Variants in DNM3 observed in about 807,000 individuals in gnomAD.
The protein encoded by DNM3 is dynamin-3.
A neutral mutation model predicts 101.6 loss-of-function variants in DNM3; 47 were observed. The ratio of observed to expected loss-of-function variants is 0.46; its 90% confidence interval spans 0.37 to 0.59. The LOEUF (loss-of-function observed/expected upper bound fraction) is 0.59, where lower values mean the gene tolerates loss of function less well. Ranked by LOEUF, DNM3 falls within the 20% of genes least tolerant of loss-of-function variation. DNM3 has a pLI of 0.00. For synonymous variants in DNM3, 385 were observed against 387.9 expected, an observed-to-expected ratio of 0.99 and a Z score of 0.09; for missense variants, 849 against 1,085.7, an observed-to-expected ratio of 0.78 and a Z score of 3.06.
At chr1:172,319,407 G>T (rs1004704080) in intron 16 of DNM3, among the ~76,000 whole-genome samples, 26 of 152,144 alleles carry the variant, frequency 1.7e-4, no homozygotes, top group Non-Finnish European at 2.2e-4. Flanking sequence ...TTAAACTAAA[G>T]AGTTTCTGCA....
intron 14 of DNM3, among the ~76,000 whole-genome samples, chr1:172,150,863 G>A (rs558891248): frequency 6.6e-6 from 1 of 152,326 alleles, no homozygotes; most frequent in South Asian, 2.1e-4. Context: ...AGCCACCCAG[G>A]ATTGTTTTAA....
chr1:172,044,702 C>T (rs972993681), intron 9 of DNM3, among the ~76,000 whole-genome samples: 1 of 152,132 alleles, frequency 6.6e-6, no homozygotes, highest in Admixed American at 6.5e-5. Context: ...AGGGGATTCG[C>T]AGATTAGCAA....
intron 14 of DNM3, among the ~76,000 whole-genome samples, chr1:172,244,225 A>G (rs1456416881): frequency 6.6e-6 from 1 of 151,856 alleles, no homozygotes; most frequent in Non-Finnish European, 1.5e-5. Flanking sequence ...ATAGTATTCC[A>G]TGGTGTATAT....
rs148900640 is a variant in DNM3 at position 172,238,222 on chromosome 1, A to G, written c.1660-15351A>G. The stretch of plus-strand genomic sequence containing the variant: ...TTCTTTTTAATTCTCACAAGAACTC[A>G]CAGACTCTGGGGGTCAGAGGACTAC... On this transcript the variant is annotated intron_variant, in intron 14 of 20. Coordinates refer to ENST00000627582, the MANE Select transcript of DNM3 (RefSeq NM_015569.5). Among the ~76,000 whole-genome samples the G allele has an allele frequency of 4.4e-3, 667 of 152,260 alleles. 2 individuals are homozygous for G. The highest frequency in any genetic ancestry group is 0.015 in the African/African-American group (628 of 41,550).
chr1:171,932,617 TA>T (rs1386649723), intron 2 of DNM3, among the ~76,000 whole-genome samples: 1 of 152,216 alleles, frequency 6.6e-6, no homozygotes, highest in African/African-American at 2.4e-5. Context: ...TAGTTTAGGT[TA>T]TTTTACAGTT....
At chr1:172,012,198 T>C (rs1011869251) in intron 4 of DNM3, among the ~76,000 whole-genome samples, 1 of 152,018 alleles carries the variant, frequency 6.6e-6, no homozygotes, top group Non-Finnish European at 1.5e-5. Flanking sequence ...TTCTTCTCCA[T>C]GATGTTTTGC....
chr1:171,932,120 C>T (rs919905415), intron 2 of DNM3, among the ~76,000 whole-genome samples: 2 of 142,058 alleles, frequency 1.4e-5, no homozygotes, highest in African/African-American at 5.2e-5. Context: ...CCCTTCCTTC[C>T]TCTCTCTTTC....
At chr1:172,181,375 TACACACACACACACACAC>T (rs55756017) in intron 14 of DNM3, among the ~76,000 whole-genome samples, 4 of 147,712 alleles carry the variant, frequency 2.7e-5, no homozygotes, top group Admixed American at 6.8e-5. Context: ...CACTTGAGTT[TACACACACACACACACAC>T]ACACACACAC....
chr1:171,887,870 C>CT lies in DNM3; in HGVS notation c.162-33869dup, dbSNP rs1165996085. On this transcript the variant is annotated intron_variant, in intron 1 of 20. Coordinates refer to ENST00000627582, the MANE Select transcript of DNM3 (RefSeq NM_015569.5). The stretch of plus-strand genomic sequence containing the variant: ...ATCTAATATGTTTTTTTTCCACTGT[C>CT]TTTTTTTTTCTCAATAGGGATGAAT... 7.3e-5 allele frequency among the ~76,000 whole-genome samples: 11 copies of CT among 150,558 alleles called. No individual in the cohort carries two copies. In the East Asian group the frequency reaches 9.7e-4, roughly 13 times the overall value.
chr1:171,934,154 C>T (rs922758933), intron 2 of DNM3, among the ~76,000 whole-genome samples: 1 of 151,986 alleles, frequency 6.6e-6, no homozygotes, highest in African/African-American at 2.4e-5. Flanking sequence ...GTTCATTTGT[C>T]CTGGTGAGGA....
intron 16 of DNM3, among the ~76,000 whole-genome samples, chr1:172,319,374 C>A (rs905787889): frequency 2.0e-5 from 3 of 152,046 alleles, no homozygotes; most frequent in Non-Finnish European, 4.4e-5. Context: ...CAACAAAAGC[C>A]AAAATTGACA....
intron 4 of DNM3, among the ~76,000 whole-genome samples, chr1:172,006,323 C>A (rs1448283488): frequency 6.6e-6 from 1 of 152,026 alleles, no homozygotes; most frequent in Non-Finnish European, 1.5e-5. Context: ...CCATTATCTT[C>A]TTTGACATAT....
At chr1:171,890,982 T>C (rs184648700) in intron 1 of DNM3, among the ~76,000 whole-genome samples, 28 of 152,326 alleles carry the variant, frequency 1.8e-4, no homozygotes, top group Admixed American at 1.8e-3. Context: ...ACATAGTTTC[T>C]AAAAGTCACT....
At chr1:172,179,843 T>A (rs2059281891) in intron 14 of DNM3, among the ~76,000 whole-genome samples, 1 of 151,984 alleles carries the variant, frequency 6.6e-6, no homozygotes, top group Non-Finnish European at 1.5e-5. Context: ...TTTTATGTAT[T>A]AAAAAACTAA....
chr1:171,925,229 A>AT (rs200095447), intron 2 of DNM3, among the ~76,000 whole-genome samples: 5,849 of 141,502 alleles, frequency 0.041, 361 homozygotes, highest in African/African-American at 0.14. Context: ...AATTCTTTTT[A>AT]TTTTATTTTT....
At chr1:172,131,787 A>G (rs1572645674) in intron 14 of DNM3, 1 of 397,564 alleles carries the variant, frequency 2.5e-6, no homozygotes, top group South Asian at 1.9e-5. Context: ...ATCATTGTTT[A>G]TACAAATTTT....
chr1:172,409,941 A>C lies in DNM3; in HGVS notation c.*2100A>C. 1.0e-6 allele frequency: 1 copy of C among 985,776 alleles called. No homozygotes were observed. The highest frequency in any genetic ancestry group is 1.2e-6 in the Non-Finnish European group (1 of 829,874). The allele number at this position is 985,776 out of a possible 1,614,324, so 61.1% of individuals were successfully genotyped here. The stretch of plus-strand genomic sequence containing the variant: ...ATCAGCACAAACCATGTCAAAAAAA[A>C]TTGGAGATTTTTTTCCAATTTTCCT... On this transcript the variant is annotated 3_prime_UTR_variant, in exon 21 of 21. Coordinates refer to ENST00000627582, the MANE Select transcript of DNM3 (RefSeq NM_015569.5).
intron 13 of DNM3, among the ~76,000 whole-genome samples, chr1:172,109,884 G>A (rs1053697497): frequency 2.6e-5 from 4 of 152,076 alleles, no homozygotes; most frequent in Admixed American, 6.5e-5. Flanking sequence ...GAAGAATATG[G>A]GTAATTAAAA....
intron 14 of DNM3, among the ~76,000 whole-genome samples, chr1:172,174,135 C>G (rs1156581323): frequency 6.6e-6 from 1 of 151,534 alleles, no homozygotes; most frequent in Non-Finnish European, 1.5e-5. Context: ...TTATGTTATT[C>G]TTTATAAAAT....
Sources: gnomAD v4.1 joint callset for allele counts (sites outside exome capture counted in the v4.1 genomes callset) on GRCh38, gnomAD v4.1.1 for gene constraint, MANE v1.5 for transcripts, NCBI Gene and HGNC (gene_info 2026-07-23, HGNC 2026-07-21) for gene names.